The following ARHGAP42 variants were observed in gnomAD, a reference collection of about 807,000 sequenced individuals.
The protein encoded by ARHGAP42 is Rho GTPase activating protein 42.
ARHGAP42 carries 63 observed loss-of-function variants against 125.0 expected under a neutral mutation model. That is an observed-to-expected ratio of 0.50 (90% confidence interval 0.41 to 0.62). The LOEUF is 0.62. Ranked by LOEUF, ARHGAP42 falls within the 20% of genes least tolerant of loss-of-function variation. The pLI, the probability that ARHGAP42 is intolerant of heterozygous loss-of-function variation, is 0.00. For synonymous variants in ARHGAP42, 339 were observed against 351.0 expected, an observed-to-expected ratio of 0.97 and a Z score of 0.38; for missense variants, 766 against 1,024.2, an observed-to-expected ratio of 0.75 and a Z score of 3.44.
At chr11:100,699,010 T>G (rs1452211598) in intron 1 of ARHGAP42, among the ~76,000 whole-genome samples, 1 of 152,196 alleles carries the variant, frequency 6.6e-6, no homozygotes, top group Admixed American at 6.5e-5. Flanking sequence ...TCTTCCATTT[T>G]CATTTTATTT....
chr11:100,738,316 A>C (rs1011693890), intron 1 of ARHGAP42: 13 of 152,224 alleles, frequency 8.5e-5, no homozygotes, highest in Non-Finnish European at 1.8e-4. Flanking sequence ...ATGTGGATTG[A>C]GAGTTCATAT....
At chr11:100,786,598 G>A (rs564544267) in intron 2 of ARHGAP42, among the ~76,000 whole-genome samples, 1 of 152,272 alleles carries the variant, frequency 6.6e-6, no homozygotes, top group Admixed American at 6.5e-5. Flanking sequence ...GGCAGCTGCA[G>A]AGTAGGTATT....
At chr11:100,953,101 A>C (rs1405671990) in intron 12 of ARHGAP42, among the ~76,000 whole-genome samples, 1 of 152,024 alleles carries the variant, frequency 6.6e-6, no homozygotes, top group Admixed American at 6.6e-5. Context: ...CGCTCTAACC[A>C]TTTTTTTGTA....
rs1267282686 is a variant in ARHGAP42 at position 100,780,813 on chromosome 11, A to G, written c.250+10375A>G. 2.6e-5 allele frequency among the ~76,000 whole-genome samples: 4 copies of G among 152,252 alleles called. No individual in the cohort carries two copies. In the East Asian group the frequency reaches 7.7e-4, roughly 29 times the overall value. On this transcript the variant is annotated intron_variant, in intron 2 of 23. Coordinates refer to ENST00000298815, the MANE Select transcript of ARHGAP42 (RefSeq NM_152432.4). ...TTTTTTTGGAGGACACCAACATTAA[A>G]CAACCAAAGACGTGAAGTCACAATT...
intron 3 of ARHGAP42, among the ~76,000 whole-genome samples, chr11:100,812,644 GGGAAAATGCTTTTCAGGTT>G (rs1430093422): frequency 1.3e-5 from 2 of 152,138 alleles, no homozygotes; most frequent in African/African-American, 2.4e-5. Flanking sequence ...CAACTCTCTT[GGGAAAATGCTTTTCAGGTT>G]GCCCAGACAG....
At chr11:100,702,307 G>A (rs926911809) in intron 1 of ARHGAP42, among the ~76,000 whole-genome samples, 4 of 152,150 alleles carry the variant, frequency 2.6e-5, no homozygotes, top group African/African-American at 4.8e-5. Context: ...GGTTGGTGGA[G>A]CAGTTAAAAC....
At chr11:100,722,006 T>C (rs1048706865) in intron 1 of ARHGAP42, among the ~76,000 whole-genome samples, 2 of 152,194 alleles carry the variant, frequency 1.3e-5, no homozygotes, top group Non-Finnish European at 2.9e-5. Flanking sequence ...ATGTTTAGCT[T>C]TGTAAGAAAC....
Position 100,976,324 on chromosome 11 carries a change from C to T in ARHGAP42, c.2123C>T (p.Thr708Ile), listed in dbSNP as rs543493829. 1 of 1,551,710 alleles carries T rather than the reference C, an allele frequency of 6.4e-7. No individual in the cohort carries two copies. The highest frequency in any genetic ancestry group is 2.4e-5 in the East Asian group (1 of 40,908). Residue 708 changes from threonine to isoleucine, a missense_variant, in exon 20 of 24, where the codon ACT (threonine) becomes ATT (isoleucine). Around this residue, in one of 3 missense-constraint regions of ARHGAP42, gnomAD observed 308 missense variants for 369.7 expected, o/e 0.83. Transcript: ENST00000298815. Reference protein sequence around the residue: ...ESDCQSVASVTSPGDVSPPID... With the variant: ...ESDCQSVASVISPGDVSPPID... ...GACTGCCAGAGTGTTGCTTCAGTCA[C>T]TAGCCCAGGAGACGTTTCCCCACCC...
At chr11:100,845,806 T>C (rs1219426637) in intron 3 of ARHGAP42, among the ~76,000 whole-genome samples, 1 of 152,196 alleles carries the variant, frequency 6.6e-6, no homozygotes, top group East Asian at 1.9e-4. Flanking sequence ...GTAGATAATA[T>C]GTTCCCTGGT....
At position 100,717,363 on chromosome 11, in the gene ARHGAP42, C is replaced by T. The variant is rs371492166; in HGVS notation, c.154+29531C>T. Among the ~76,000 whole-genome samples, 6 of 152,054 alleles carry T rather than the reference C, an allele frequency of 3.9e-5. No homozygotes were observed. In the South Asian group the frequency reaches 6.2e-4, roughly 16 times the overall value. On this transcript the variant is annotated intron_variant, in intron 1 of 23. Transcript: ENST00000298815. ...AAAAAGATACCATATATAGGCCGGG[C>T]GCGGTGGCTCATGCCTGTAATCCCA...
intron 1 of ARHGAP42, among the ~76,000 whole-genome samples, chr11:100,755,167 G>A (rs1862543158): frequency 6.6e-6 from 1 of 152,230 alleles, no homozygotes; most frequent in South Asian, 2.1e-4. Context: ...TAGGGTGTAA[G>A]AGTGTGTGTG....
rs181403220 is a variant in ARHGAP42, at chr11:100,802,695, C to T, written c.312+7529C>T. On this transcript the variant is annotated intron_variant, in intron 3 of 23. Coordinates refer to ENST00000298815, the MANE Select transcript of ARHGAP42 (RefSeq NM_152432.4). ...CACCCGCCTCGGTCTCCCAAAGTGCCGGGATTACAGGCGTGAGCCACTGAG... is the reference window on the plus strand; with the variant it reads ...CACCCGCCTCGGTCTCCCAAAGTGCTGGGATTACAGGCGTGAGCCACTGAG... Among the ~76,000 whole-genome samples the T allele has an allele frequency of 1.5e-3, 235 of 152,160 alleles. 5 individuals carry two copies. The highest frequency in any genetic ancestry group is 7.4e-3 in the East Asian group (38 of 5,154).
At chr11:100,781,179 G>A (rs1287284735) in intron 2 of ARHGAP42, among the ~76,000 whole-genome samples, 1 of 151,880 alleles carries the variant, frequency 6.6e-6, no homozygotes, top group Non-Finnish European at 1.5e-5. Flanking sequence ...TTCTTGGTGT[G>A]GAGTAGTTTA....
intron 1 of ARHGAP42, among the ~76,000 whole-genome samples, chr11:100,756,173 G>T (rs1399672712): frequency 7.1e-6 from 1 of 140,038 alleles, no homozygotes; most frequent in Non-Finnish European, 1.5e-5. Flanking sequence ...ATGGCTTGAG[G>T]CCAGGAGCTC....
intron 1 of ARHGAP42, among the ~76,000 whole-genome samples, chr11:100,698,777 C>T (rs1407703560): frequency 6.6e-6 from 1 of 152,072 alleles, no homozygotes; most frequent in Non-Finnish European, 1.5e-5. Flanking sequence ...AAATTGTCAA[C>T]TTTAGAGATA....
chr11:100,939,775 C>T (rs922708199), intron 8 of ARHGAP42, among the ~76,000 whole-genome samples: 1 of 152,160 alleles, frequency 6.6e-6, no homozygotes, highest in Non-Finnish European at 1.5e-5. Flanking sequence ...GGCCTAGTGC[C>T]AGTCAACTTT....
intron 3 of ARHGAP42, among the ~76,000 whole-genome samples, chr11:100,815,287 A>G (rs933778598): frequency 2.6e-5 from 4 of 152,080 alleles, no homozygotes; most frequent in African/African-American, 9.7e-5. Flanking sequence ...CTACTCTTTC[A>G]TTATGTGCGT....
chr11:100,790,965 G>C (rs1282871416), intron 2 of ARHGAP42, among the ~76,000 whole-genome samples: 1 of 152,190 alleles, frequency 6.6e-6, no homozygotes, highest in Non-Finnish European at 1.5e-5. Context: ...AAATGTGCAT[G>C]TAACTTCCAG....
intron 3 of ARHGAP42, among the ~76,000 whole-genome samples, chr11:100,800,274 T>C (rs182843435): frequency 7.4e-4 from 112 of 152,250 alleles, no homozygotes; most frequent in Admixed American, 1.2e-3. Context: ...CAGGAGGTTA[T>C]TGATAGCCTT....
Sources: gnomAD v4.1 joint callset for allele counts (sites outside exome capture counted in the v4.1 genomes callset) on GRCh38, gnomAD v4.1.1 for gene constraint, gnomAD v4.1.1 regional missense constraint, MANE v1.5 for transcripts, NCBI Gene and HGNC (gene_info 2026-07-23, HGNC 2026-07-21) for gene names.